STRBP: variants seen among roughly 807,000 people sequenced by gnomAD.
STRBP encodes the protein spermatid perinuclear RNA binding protein, also known as spermatid perinuclear RNA-binding protein.
Under a neutral mutation model 80.1 loss-of-function variants are expected in STRBP, and 13 were observed. The observed-to-expected ratio is 0.16, with a 90% CI of 0.11 to 0.26. The LOEUF is 0.26. STRBP is among the 10% of genes least tolerant of loss of function. The pLI is 1.00. For missense variants in STRBP, 485 were observed against 815.2 expected (o/e 0.59, Z 4.93); for synonymous variants, 284 against 291.2 (o/e 0.98, Z 0.25).
chr9:123,112,010 T>A (rs2035575026), intron 3 of STRBP: 1 of 178,524 alleles, frequency 5.6e-6, no homozygotes, highest in African/African-American at 2.4e-5. Context: ...GTTTCTGAAG[T>A]TTGCAGTGGC....
intron 2 of STRBP, among the ~76,000 whole-genome samples, chr9:123,189,309 T>C (rs1010155979): frequency 2.5e-5 from 1 of 40,756 alleles, no homozygotes; most frequent in African/African-American, 1.1e-4. Flanking sequence ...GGGCCTGTTG[T>C]GGGGTGGGGG....
At chr9:123,209,937 C>A (rs1202384845) in intron 2 of STRBP, among the ~76,000 whole-genome samples, 2 of 152,016 alleles carry the variant, frequency 1.3e-5, no homozygotes, top group African/African-American at 2.4e-5. Flanking sequence ...ATATAGGCTG[C>A]TGAGAATTTA....
chr9:123,211,429 G>A (rs1333320134), intron 2 of STRBP, among the ~76,000 whole-genome samples: 2 of 152,152 alleles, frequency 1.3e-5, no homozygotes, highest in African/African-American at 4.8e-5. Context: ...AGGAAGCCAT[G>A]GGGATAGGAT....
intron 1 of STRBP, among the ~76,000 whole-genome samples, chr9:123,265,252 C>T (rs140463748): frequency 1.7e-3 from 263 of 151,864 alleles, no homozygotes; most frequent in African/African-American, 6.1e-3. Context: ...TGTTCTGCTC[C>T]GCCCTCATTA....
At chr9:123,259,713 AAACAAC>A (rs774487865) in intron 1 of STRBP, among the ~76,000 whole-genome samples, 32 of 151,880 alleles carry the variant, frequency 2.1e-4, no homozygotes, top group African/African-American at 2.9e-4. Flanking sequence ...CTGTCTCACA[AAACAAC>A]AACAACAACA....
At chr9:123,206,118 C>T (rs1347539875) in intron 2 of STRBP, among the ~76,000 whole-genome samples, 5 of 152,248 alleles carry the variant, frequency 3.3e-5, no homozygotes, top group Middle Eastern at 3.4e-3. Flanking sequence ...TCAATTCCAT[C>T]GCTTATAAGG....
chr9:123,257,489 C>T (rs2041059134), intron 1 of STRBP, among the ~76,000 whole-genome samples: 1 of 152,040 alleles, frequency 6.6e-6, no homozygotes, highest in South Asian at 2.1e-4. Flanking sequence ...AGACTGTAAG[C>T]TCATAAAAGT....
At chr9:123,159,052 T>C in intron 9 of STRBP, 44 bp downstream of exon 9, 1 of 1,457,460 alleles carries the variant, frequency 6.9e-7, no homozygotes. Context: ...TAAACTAAAC[T>C]GAGATTTGCT....
chr9:123,250,420 T>A (rs1187401648), intron 1 of STRBP, among the ~76,000 whole-genome samples: 1 of 152,214 alleles, frequency 6.6e-6, no homozygotes, highest in African/African-American at 2.4e-5. Flanking sequence ...TTATCAGATA[T>A]AATTTCCGAT....
At chr9:123,145,357 A>G (rs745944995) in intron 13 of STRBP, among the ~76,000 whole-genome samples, 4 of 152,202 alleles carry the variant, frequency 2.6e-5, no homozygotes, top group Non-Finnish European at 5.9e-5. Context: ...CACTGCATCA[A>G]ATGAAAGCAG....
At chr9:123,223,049 T>TGATAGACA (rs1554767747) in intron 2 of STRBP, among the ~76,000 whole-genome samples, 8 of 147,888 alleles carry the variant, frequency 5.4e-5, no homozygotes, top group African/African-American at 2.0e-4. Flanking sequence ...GATAGATAGA[T>TGATAGACA]GATAGATAGA....
In STRBP at chr9:123,241,063, C is replaced by T. The variant is rs916295627; in HGVS notation, c.-301-4097G>A. Reference sequence around the variant, plus strand: ...GCATGGTGGCACATGCCTGTAATCCCAGCTACTCGGGAGGCTGAGGCAGGA... The same window carrying T: ...GCATGGTGGCACATGCCTGTAATCCTAGCTACTCGGGAGGCTGAGGCAGGA... On this transcript the variant is annotated intron_variant, in intron 1 of 18. Transcript: ENST00000348403. Among the ~76,000 whole-genome samples, 8 of 151,938 alleles carry T rather than the reference C, an allele frequency of 5.3e-5. No homozygotes were observed. In the South Asian group the frequency reaches 8.3e-4, roughly 16 times the overall value.
downstream of STRBP, among the ~76,000 whole-genome samples, chr9:123,117,034 T>C (rs2035656584): frequency 6.6e-6 from 1 of 152,152 alleles, no homozygotes; most frequent in South Asian, 2.1e-4. Context: ...ATCTCTGGGC[T>C]CTACTCTCCC....
rs1411498858 is a variant in STRBP, at chr9:123,110,233, TC to T, written c.*85-481del. ...GAGAAGCAAGTCCTACAGGCTCCAC[TC>T]CTGCAGGACCACTACACGGCGGGTA... On this transcript the variant is annotated intron_variant and NMD_transcript_variant, in intron 3 of 3. Coordinates refer to the STRBP transcript ENST00000471564. This position sits in a 1 kb window ranked among gnomAD's most constrained non-coding sequence, Gnocchi z 4.1. 6.6e-6 allele frequency: 1 copy of T among 152,482 alleles called. No individual in the cohort carries two copies. Among genetic ancestry groups the T allele is most frequent in the African/African-American group, 2.4e-5 (1 of 41,406 alleles). The allele number at this position is 152,482 out of a possible 1,614,324, so 9.4% of individuals were successfully genotyped here.
Position 123,122,156 on chromosome 9 carries a change from C to A in STRBP, c.*3441G>T. ...CATATATGCATGTTGTCTTAATTGA[C>A]TATTTTTCTCTTTAATCAGAAAATA... On this transcript the variant is annotated 3_prime_UTR_variant, in exon 19 of 19. Coordinates refer to ENST00000348403, the MANE Select transcript of STRBP (RefSeq NM_018387.5). 3.0e-6 allele frequency: 1 copy of A among 337,632 alleles called. No homozygotes were observed. Among genetic ancestry groups the A allele is most frequent in the South Asian group, 3.4e-5 (1 of 29,018 alleles). 20.9% of individuals were successfully genotyped at this position (337,632 alleles called of 1,614,324 possible).
chr9:123,180,474 T>C (rs1471074508), intron 3 of STRBP, among the ~76,000 whole-genome samples: 1 of 152,134 alleles, frequency 6.6e-6, no homozygotes, highest in African/African-American at 2.4e-5. Flanking sequence ...ACAAGCTAAT[T>C]TACAAATATA....
chr9:123,264,868 G>C (rs747546408), intron 1 of STRBP, among the ~76,000 whole-genome samples: 24 of 152,096 alleles, frequency 1.6e-4, no homozygotes, highest in Non-Finnish European at 2.6e-4. Context: ...CGCACCCCAA[G>C]TCAATAAAAT....
chr9:123,138,502 C>A (rs2036454489), intron 14 of STRBP, among the ~76,000 whole-genome samples: 1 of 152,208 alleles, frequency 6.6e-6, no homozygotes, highest in South Asian at 2.1e-4. Context: ...ACCTCCTCGT[C>A]CTTCAGTCCA....
intron 2 of STRBP, 70 bp from the exon 3 acceptor site, chr9:123,184,368 C>T: frequency 2.7e-6 from 1 of 367,268 alleles, no homozygotes; most frequent in Non-Finnish European, 4.9e-6. Flanking sequence ...AGTGTGCAAC[C>T]CATAAACATG....
Sources: allele counts gnomAD v4.1 joint callset (sites outside exome capture counted in the v4.1 genomes callset), GRCh38; gene constraint gnomAD v4.1.1; non-coding constraint Gnocchi (gnomAD v3.1); transcripts MANE v1.5; gene names NCBI Gene and HGNC (gene_info 2026-07-23, HGNC 2026-07-21).